Variants in ETF1 observed in about 807,000 individuals in gnomAD.
The protein encoded by ETF1 is eukaryotic peptide chain release factor subunit 1.
ETF1 carries 4 observed loss-of-function variants against 55.1 expected under a neutral mutation model. The ratio of observed to expected loss-of-function variants is 0.07; its 90% CI spans 0.04 to 0.17. The LOEUF is 0.17. Ranked by LOEUF, ETF1 falls within the 10% of genes least tolerant of loss-of-function variation. ETF1 has a pLI of 1.00. For synonymous variants in ETF1, 157 were observed against 182.3 expected (o/e 0.86, Z 1.12); for missense variants, 142 against 523.6 (o/e 0.27, Z 7.11).
intron 9 of ETF1, chr5:138,509,240 C>CGTTT: frequency 1.1e-6 from 1 of 922,742 alleles, no homozygotes; most frequent in Non-Finnish European, 1.3e-6. Context: ...ATCATTTAAA[C>CGTTT]CTATCTCATA....
At position 138,517,704 on chromosome 5, in the gene ETF1, C is replaced by A; in HGVS notation, c.263-4G>T. The A allele has an allele frequency of 6.9e-7, 1 of 1,454,634 alleles. No individual in the cohort carries two copies. Among genetic ancestry groups the A allele is most frequent in the South Asian group, 1.5e-5 (1 of 67,728 alleles). The allele number at this position is 1,454,634 out of a possible 1,614,324, so 90.1% of individuals were successfully genotyped here. A position where few individuals can be genotyped will look rare whatever the true frequency, so the allele number is the denominator to read the frequency against. On this transcript the variant is annotated splice_polypyrimidine_tract_variant and splice_region_variant and intron_variant, in intron 3 of 10. Coordinates refer to ENST00000360541, the MANE Select transcript of ETF1 (RefSeq NM_004730.4). ...ACAACCAGACCATTTGGAGGTACTG[C>A]AAAGAACACAAACAATTTTTCTACT... is the stretch of plus-strand genomic sequence containing the variant.
intron 2 of ETF1, among the ~76,000 whole-genome samples, chr5:138,532,694 T>C (rs1765753792): frequency 1.3e-5 from 2 of 152,326 alleles, no homozygotes; most frequent in Middle Eastern, 6.8e-3. Context: ...TTACAGGACT[T>C]GCCAAATCTT....
At chr5:138,534,953 G>C (rs1765854948) in intron 2 of ETF1, among the ~76,000 whole-genome samples, 2 of 148,042 alleles carry the variant, frequency 1.4e-5, no homozygotes, top group African/African-American at 5.0e-5. Context: ...CTCATCCTCA[G>C]AAAACTAGTT....
At chr5:138,542,494 T>TAGCTCCCGAGTCGGGTGGC in intron 2 of ETF1, 1 of 525,648 alleles carries the variant, frequency 1.9e-6, no homozygotes. Context: ...TTTGCCACAA[T>TAGCTCCCGAGTCGGGTGGC]AGCACCCGAG....
intron 2 of ETF1, among the ~76,000 whole-genome samples, chr5:138,530,137 C>T (rs1765636637): frequency 6.6e-6 from 1 of 151,658 alleles, no homozygotes; most frequent in Non-Finnish European, 1.5e-5. Flanking sequence ...CCTTTTAGAG[C>T]TTTCTAAAGA....
intron 2 of ETF1, among the ~76,000 whole-genome samples, chr5:138,537,213 T>C (rs1025133218): frequency 6.6e-6 from 1 of 152,226 alleles, no homozygotes; most frequent in Admixed American, 6.5e-5. Flanking sequence ...TTCCCTTTAC[T>C]ACCTCTTTTC....
rs563927398 is a variant in ETF1 at position 138,541,394 on chromosome 5, C to T, written c.86+1439G>A. ...CTGTCTTCGATTCATATTAAACTAACGTTTCTCCAGTAAACCGAAGGAGTG... is the reference window on the plus strand; with the variant it reads ...CTGTCTTCGATTCATATTAAACTAATGTTTCTCCAGTAAACCGAAGGAGTG... On this transcript the variant is annotated intron_variant, in intron 2 of 10. Transcript: ENST00000360541. The T allele has an allele frequency of 1.9e-4, 124 of 647,848 alleles. 1 individual carries two copies. In the South Asian group the frequency reaches 2.2e-3, roughly 11 times the overall value. The allele number at this position is 647,848 out of a possible 1,614,324, so 40.1% of individuals were successfully genotyped here.
chr5:138,530,116 C>T (rs564535488), intron 2 of ETF1, among the ~76,000 whole-genome samples: 66 of 152,292 alleles, frequency 4.3e-4, no homozygotes, highest in African/African-American at 1.5e-3. Context: ...GCATACCTCC[C>T]AGCCCTGAAT....
At chr5:138,516,033 A>G (rs1464934565) in intron 4 of ETF1, among the ~76,000 whole-genome samples, 1 of 152,172 alleles carries the variant, frequency 6.6e-6, no homozygotes, top group African/African-American at 2.4e-5. Context: ...CCAGCTGTGA[A>G]TTCTTGATTG....
At chr5:138,525,378 G>A (rs889986994) in intron 2 of ETF1, among the ~76,000 whole-genome samples, 1 of 151,342 alleles carries the variant, frequency 6.6e-6, no homozygotes, top group Non-Finnish European at 1.5e-5. Flanking sequence ...GGCTGGTCTC[G>A]AACTCCTGAC....
intron 10 of ETF1, 77 bp downstream of exon 10, chr5:138,508,592 G>T: frequency 6.3e-7 from 1 of 1,581,158 alleles, no homozygotes; most frequent in South Asian, 1.2e-5. Context: ...CTCACCGGAA[G>T]CAGGGCTAGG....
In ETF1 at chr5:138,517,807, A is replaced by G. The variant is rs567518846; in HGVS notation, c.263-107T>C. On this transcript the variant is annotated intron_variant, in intron 3 of 10. Coordinates refer to ENST00000360541, the MANE Select transcript of ETF1 (RefSeq NM_004730.4). The stretch of plus-strand genomic sequence containing the variant: ...TTTTCCCTGCCTGATCCTTTAAGTC[A>G]TAATTTAAATAAAGCAGAAAAAGCT... 53 of 1,317,964 alleles carry G rather than the reference A, an allele frequency of 4.0e-5. No homozygotes were observed. The African/African-American group carries it at 7.6e-4, about 19-fold the overall frequency. 81.6% of individuals were successfully genotyped at this position (1,317,964 alleles called of 1,614,324 possible).
At chr5:138,511,334 T>C (rs1350748732) in intron 7 of ETF1, 134 bp from the exon 8 acceptor site, 7 of 1,503,876 alleles carry the variant, frequency 4.7e-6, no homozygotes, top group Non-Finnish European at 6.2e-6. Flanking sequence ...ATAAAAATAC[T>C]AAATATTCCT....
intron 2 of ETF1, among the ~76,000 whole-genome samples, chr5:138,532,574 G>T (rs1176409866): frequency 3.3e-5 from 5 of 152,208 alleles, no homozygotes; most frequent in African/African-American, 1.2e-4. Flanking sequence ...AACTAGAAAT[G>T]GGGAGGGGAG....
chr5:138,521,143 T>C (rs1392261040), intron 2 of ETF1, among the ~76,000 whole-genome samples: 1 of 152,186 alleles, frequency 6.6e-6, no homozygotes, highest in African/African-American at 2.4e-5. Flanking sequence ...TGAAATATTA[T>C]TCAGTCTTAA....
intron 2 of ETF1, among the ~76,000 whole-genome samples, chr5:138,535,597 T>A (rs1193243581): frequency 2.0e-5 from 3 of 151,284 alleles, no homozygotes; most frequent in African/African-American, 7.3e-5. Flanking sequence ...GGCGGGTGCC[T>A]GTAATCTCAG....
At chr5:138,514,619 T>C (rs1034158097) in intron 4 of ETF1, among the ~76,000 whole-genome samples, 1 of 150,852 alleles carries the variant, frequency 6.6e-6, no homozygotes, top group Non-Finnish European at 1.5e-5. Context: ...CAGGCTGGAG[T>C]GCAGTAGCCA....
chr5:138,510,663 G>A, intron 8 of ETF1, 34 bp from the exon 9 acceptor site: 1 of 1,611,868 alleles, frequency 6.2e-7, no homozygotes, highest in Admixed American at 1.7e-5. Flanking sequence ...GTGTTAACCT[G>A]GCTCTCATAT....
intron 2 of ETF1, among the ~76,000 whole-genome samples, chr5:138,525,161 A>AT (rs1274961753): frequency 0.041 from 5,844 of 144,148 alleles, 360 homozygotes; most frequent in African/African-American, 0.13. Flanking sequence ...ACTATTAATA[A>AT]TTTTTTTTTT....
Sources: allele counts gnomAD v4.1 joint callset (sites outside exome capture counted in the v4.1 genomes callset), GRCh38; gene constraint gnomAD v4.1.1; transcripts MANE v1.5; gene names NCBI Gene and HGNC (gene_info 2026-07-23, HGNC 2026-07-21).